Variants in DEK observed in about 807,000 individuals in gnomAD.
The protein encoded by DEK is protein DEK.
A neutral mutation model predicts 46.8 loss-of-function variants in DEK; 28 were observed. The ratio of observed to expected loss-of-function variants is 0.60; its 90% CI spans 0.44 to 0.82. The LOEUF (loss-of-function observed/expected upper bound fraction) is 0.82. DEK is among the 40% of genes least tolerant of loss of function. DEK has a pLI of 0.00. For synonymous variants in DEK, 160 were observed against 144.5 expected (o/e 1.11, Z -0.77); for missense variants, 416 against 430.6 (o/e 0.97, Z 0.30).
At chr6:18,244,397 C>A in intron 7 of DEK, 1 of 465,866 alleles carries the variant, frequency 2.1e-6, no homozygotes, top group South Asian at 2.1e-5. Context: ...GTTTCAAAAA[C>A]GTGAAGGGGA....
rs1401207713 is a variant in DEK at position 18,263,741 on chromosome 6, C to T, written c.145+102G>A. 7 of 1,595,232 alleles carry T rather than the reference C, an allele frequency of 4.4e-6. No homozygotes were observed. In the Admixed American group the frequency reaches 1.3e-4, roughly 29 times the overall value. On this transcript the variant is annotated intron_variant, in intron 2 of 10. Transcript: ENST00000652689. ...CTCGCTGAAAATCACTCCGACTTCA[C>T]GCCTCTAAACACCAAAAGAGCAAGA...
rs746658896 is a variant in DEK, at chr6:18,236,544, G to A, written c.955C>T (p.Pro319Ser). ...DEPLIKKLKK[P>S]PTDEELKETI... ...TCCTTTAACTCTTCATCTGTAGGGG[G>A]TTTCTTCAACTTTTTAATTAAAGGT... Residue 319 changes from proline to serine, a missense_variant, in exon 9 of 11, where the codon CCC (proline) becomes TCC (serine). Coordinates refer to ENST00000652689, the MANE Select transcript of DEK (RefSeq NM_003472.4). 13 of 1,587,772 alleles carry A rather than the reference G, an allele frequency of 8.2e-6. No homozygotes were observed. The highest frequency in any genetic ancestry group is 8.5e-6 in the Non-Finnish European group (10 of 1,172,108).
At chr6:18,234,281 T>G (rs1410745167) in intron 9 of DEK, among the ~76,000 whole-genome samples, 3 of 36,898 alleles carry the variant, frequency 8.1e-5, no homozygotes, top group Non-Finnish European at 8.8e-5. Context: ...GGCACATGGA[T>G]ATATATATAT....
intron 9 of DEK, among the ~76,000 whole-genome samples, chr6:18,236,061 C>T (rs115373423): frequency 0.03 from 4,542 of 152,184 alleles, 87 homozygotes; most frequent in Middle Eastern, 0.062. Context: ...AGTTAAGAAC[C>T]TAATCTATAA....
At position 18,225,198 on chromosome 6, in the gene DEK, A is replaced by C. The variant is rs1282671755; in HGVS notation, c.*521T>G. On this transcript the variant is annotated 3_prime_UTR_variant, in exon 11 of 11. Transcript: ENST00000652689. ...AATTTGACATATATACACATGCAGG[A>C]GAAAAGTTCCAATTCAGTGATCTGG... 4.4e-6 allele frequency: 1 copy of C among 226,900 alleles called. No homozygotes were observed. Among genetic ancestry groups the C allele is most frequent in the Admixed American group, 5.7e-5 (1 of 17,594 alleles). 14.1% of individuals were successfully genotyped at this position (226,900 alleles called of 1,614,324 possible). A position where few individuals can be genotyped will look rare whatever the true frequency, so the allele number is the denominator to read the frequency against.
intron 7 of DEK, among the ~76,000 whole-genome samples, chr6:18,245,832 G>C (rs1791089575): frequency 6.6e-6 from 1 of 152,348 alleles, no homozygotes; most frequent in South Asian, 2.1e-4. Context: ...TAATCCCCAC[G>C]TTGTGGGAGG....
chr6:18,247,201 A>T (rs1001360957), intron 7 of DEK, among the ~76,000 whole-genome samples: 1 of 152,188 alleles, frequency 6.6e-6, no homozygotes, highest in Non-Finnish European at 1.5e-5. Flanking sequence ...CAGAAACTGA[A>T]TCAGCAATAA....
At chr6:18,229,702 A>C (rs1265953144) in intron 9 of DEK, among the ~76,000 whole-genome samples, 4 of 152,138 alleles carry the variant, frequency 2.6e-5, no homozygotes, top group African/African-American at 9.7e-5. Context: ...GAAACAAACA[A>C]AGCCTCCAAG....
Position 18,264,390 on chromosome 6 carries a change from AT to A in DEK, c.-16del. On this transcript the variant is annotated 5_prime_UTR_variant, in exon 1 of 11. Transcript: ENST00000652689. Reference sequence around the variant, plus strand: ...CGTCCCGAAGCAGCCCTTACCGCGGATTTCGGCCGCCGCGGGCCTGGCACGC... The same window carrying A: ...CGTCCCGAAGCAGCCCTTACCGCGGATTCGGCCGCCGCGGGCCTGGCACGC... 4.5e-6 allele frequency: 1 copy of A among 223,834 alleles called. No individual in the cohort carries two copies. The allele number at this position is 223,834 out of a possible 1,614,324, so 13.9% of individuals were successfully genotyped here.
rs1790079283 is a variant in DEK at position 18,225,593 on chromosome 6, G to C, written c.*126C>G. 2 of 1,006,540 alleles carry C rather than the reference G, an allele frequency of 2.0e-6. No individual in the cohort carries two copies. 62.4% of individuals were successfully genotyped at this position (1,006,540 alleles called of 1,614,324 possible). On this transcript the variant is annotated 3_prime_UTR_variant, in exon 11 of 11. Coordinates refer to ENST00000652689, the MANE Select transcript of DEK (RefSeq NM_003472.4). ...CATAACACTCAAGATAAAAAGGTCA[G>C]CAGTAAGTTCTACTAACGTTGCTTA...
At chr6:18,253,880 T>C (rs904116238) in intron 6 of DEK, among the ~76,000 whole-genome samples, 1 of 152,000 alleles carries the variant, frequency 6.6e-6, no homozygotes, top group African/African-American at 2.4e-5. Context: ...GCCTGGCTAA[T>C]TTCTTCTTGA....
chr6:18,240,859 A>G (rs749890484), intron 7 of DEK, among the ~76,000 whole-genome samples: 25 of 152,214 alleles, frequency 1.6e-4, no homozygotes, highest in Non-Finnish European at 3.4e-4. Context: ...ACACAGTGAG[A>G]CAAACTCAAT....
intron 7 of DEK, among the ~76,000 whole-genome samples, chr6:18,240,645 T>TAACTTA (rs1790857242): frequency 6.6e-6 from 1 of 152,188 alleles, no homozygotes; most frequent in Non-Finnish European, 1.5e-5. Context: ...TTTCCTCCAA[T>TAACTTA]AACTTAAACT....
chr6:18,236,166 C>T (rs545515613), intron 9 of DEK, among the ~76,000 whole-genome samples: 1 of 152,142 alleles, frequency 6.6e-6, no homozygotes, highest in Non-Finnish European at 1.5e-5. Context: ...ATAGAAACAA[C>T]CTACAGATCA....
chr6:18,230,690 T>C (rs1030895247), intron 9 of DEK, among the ~76,000 whole-genome samples: 1 of 152,196 alleles, frequency 6.6e-6, no homozygotes, highest in Non-Finnish European at 1.5e-5. Flanking sequence ...ATCCTAAATA[T>C]ATATGCACCC....
intron 1 of DEK, 155 bp from the exon 2 acceptor site, chr6:18,264,151 C>T: frequency 6.9e-6 from 4 of 579,856 alleles, no homozygotes; most frequent in Non-Finnish European, 1.1e-5. Flanking sequence ...TCCCCAGGGG[C>T]GGCTTCCCTC....
intron 9 of DEK, among the ~76,000 whole-genome samples, chr6:18,229,831 C>G (rs1790327334): frequency 6.6e-6 from 1 of 152,178 alleles, no homozygotes; most frequent in South Asian, 2.1e-4. Flanking sequence ...AGAACTTCCC[C>G]AATCTAGCAA....
intron 2 of DEK, among the ~76,000 whole-genome samples, chr6:18,261,186 C>A (rs1469453801): frequency 2.6e-5 from 4 of 152,186 alleles, no homozygotes. Flanking sequence ...CTTGGGACCC[C>A]TCACCCCTTG....
intron 2 of DEK, among the ~76,000 whole-genome samples, chr6:18,260,135 T>TA (rs997894144): frequency 5.9e-5 from 9 of 152,206 alleles, no homozygotes; most frequent in South Asian, 4.1e-4. Flanking sequence ...CCTTATTTTT[T>TA]AAAAAAATGG....
Sources: gnomAD v4.1 joint callset for allele counts (sites outside exome capture counted in the v4.1 genomes callset) on GRCh38, gnomAD v4.1.1 for gene constraint, MANE v1.5 for transcripts, NCBI Gene and HGNC (gene_info 2026-07-23, HGNC 2026-07-21) for gene names.